Variants in RAD51 observed in about 807,000 individuals in gnomAD.
The protein encoded by RAD51 is RAD51 recombinase.
A neutral mutation model predicts 41.5 loss-of-function variants in RAD51; 14 were observed. The observed-to-expected ratio is 0.34, with a 90% CI of 0.22 to 0.53. The LOEUF is 0.53. Ranked by LOEUF, RAD51 falls within the 20% of genes least tolerant of loss-of-function variation. The probability of loss-of-function intolerance (pLI) is 0.95; values close to 1 mark genes in which losing one functional copy is unlikely to be tolerated. For synonymous variants in RAD51, 136 were observed against 148.6 expected (o/e 0.92, Z 0.62); for missense variants, 234 against 422.0 (o/e 0.55, Z 3.90).
Position 40,710,269 on chromosome 15 carries a change from A to AAAAAGAG in RAD51, c.435+1154_435+1155insAAAGAGA, listed in dbSNP as rs1555427504. ...AAAAAAAAAAAAAAAAAAAAAAAAA[A>AAAAAGAG]AGAAGAAGAAAAAAAAAAGATCAGG... On this transcript the variant is annotated intron_variant, in intron 5 of 9. Coordinates refer to ENST00000267868, the MANE Select transcript of RAD51 (RefSeq NM_002875.5). Among the ~76,000 whole-genome samples the AAAAAGAG allele has an allele frequency of 1.3e-4, 14 of 104,358 alleles. 1 individual carries two copies. The highest frequency in any genetic ancestry group is 5.6e-4 in the African/African-American group (13 of 23,206). 68.5% of individuals were successfully genotyped at this position (104,358 alleles called of 152,430 possible). A position where few individuals can be genotyped will look rare whatever the true frequency, so the allele number is the denominator to read the frequency against.
At chr15:40,727,080 T>A (rs753293396) in intron 6 of RAD51, among the ~76,000 whole-genome samples, 2 of 152,076 alleles carry the variant, frequency 1.3e-5, no homozygotes, top group African/African-American at 2.4e-5. Context: ...CCTTCTCTGT[T>A]TTTATAGCAA....
In RAD51 at chr15:40,731,579, C is replaced by A. The variant is rs1246757821; in HGVS notation, c.*401C>A. The stretch of plus-strand genomic sequence containing the variant: ...TTAATGGTAAAATAAAATGCCTCAG[C>A]TATGTAGCAAAGGGAATGGGTCTGC... On this transcript the variant is annotated 3_prime_UTR_variant, in exon 10 of 10. Coordinates refer to ENST00000267868, the MANE Select transcript of RAD51 (RefSeq NM_002875.5). 6.1e-6 allele frequency: 2 copies of A among 325,972 alleles called. No individual in the cohort carries two copies. Among genetic ancestry groups the A allele is most frequent in the Non-Finnish European group, 1.1e-5 (2 of 174,416 alleles). The allele number at this position is 325,972 out of a possible 1,614,324, so 20.2% of individuals were successfully genotyped here. A position where few individuals can be genotyped will look rare whatever the true frequency, so the allele number is the denominator to read the frequency against.
chr15:40,705,576 A>G (rs1053456167), intron 3 of RAD51, among the ~76,000 whole-genome samples: 2 of 152,138 alleles, frequency 1.3e-5, no homozygotes, highest in Non-Finnish European at 2.9e-5. Context: ...CAAAACACAT[A>G]TGTACGGATC....
chr15:40,725,274 C>G (rs1436678640), intron 6 of RAD51, among the ~76,000 whole-genome samples: 1 of 152,104 alleles, frequency 6.6e-6, no homozygotes, highest in Non-Finnish European at 1.5e-5. Flanking sequence ...TAGAGTGATT[C>G]TCCCTCCTCG....
In RAD51 at chr15:40,726,455, T is replaced by C. The variant is rs45609736; in HGVS notation, c.531-2256T>C. Among the ~76,000 whole-genome samples, 583 of 151,932 alleles carry C rather than the reference T, an allele frequency of 3.8e-3. 11 individuals are homozygous for C. Among genetic ancestry groups the C allele is most frequent in the African/African-American group, 0.013 (551 of 41,428 alleles). On this transcript the variant is annotated intron_variant, in intron 6 of 9. Transcript: ENST00000267868. ...TTTAAGTAGAGATGGGTTTTCGCCT[T>C]GTTGGCAAGGCTAGTCTCGAACTCC...
chr15:40,730,050 C>G, intron 9 of RAD51, 76 bp downstream of exon 9: 1 of 1,564,886 alleles, frequency 6.4e-7, no homozygotes, highest in Non-Finnish European at 8.8e-7. Context: ...ATAACATTTT[C>G]ATTTAAGCCC....
chr15:40,700,923 C>T (rs191131393), intron 2 of RAD51, 141 bp from the exon 3 acceptor site: 53 of 599,498 alleles, frequency 8.8e-5, no homozygotes, highest in African/African-American at 1.2e-4. Context: ...CTTCCCATCT[C>T]CCCCCGCCCC....
At chr15:40,700,292 G>A (rs970387488) in intron 2 of RAD51, among the ~76,000 whole-genome samples, 1 of 152,290 alleles carries the variant, frequency 6.6e-6, no homozygotes, top group Middle Eastern at 3.4e-3. Context: ...TTGAGAAGAG[G>A]TATAAAAGTC....
intron 5 of RAD51, among the ~76,000 whole-genome samples, chr15:40,712,911 C>A (rs1332340488): frequency 9.2e-6 from 1 of 109,188 alleles, no homozygotes; most frequent in African/African-American, 3.6e-5. Context: ...AAGAGTCTTG[C>A]TCTGTTGCCC....
rs1390466565 is a variant in RAD51, at chr15:40,730,941, A to G, written c.897-114A>G. On this transcript the variant is annotated intron_variant, in intron 9 of 9. Coordinates refer to ENST00000267868, the MANE Select transcript of RAD51 (RefSeq NM_002875.5). Reference sequence around the variant, plus strand: ...AGGAAAACAGTACAGAAACATTCCCAGGGTCCTTCTAGGAAGAATATATGT... The same window carrying G: ...AGGAAAACAGTACAGAAACATTCCCGGGGTCCTTCTAGGAAGAATATATGT... 5.1e-6 allele frequency: 7 copies of G among 1,364,694 alleles called. No individual in the cohort carries two copies. The African/African-American group carries it at 1.0e-4, about 20-fold the overall frequency. 84.5% of individuals were successfully genotyped at this position (1,364,694 alleles called of 1,614,324 possible). A position where few individuals can be genotyped will look rare whatever the true frequency, so the allele number is the denominator to read the frequency against.
intron 2 of RAD51, among the ~76,000 whole-genome samples, chr15:40,700,439 C>G (rs1217481617): frequency 6.6e-6 from 1 of 152,130 alleles, no homozygotes; most frequent in Non-Finnish European, 1.5e-5. Flanking sequence ...TTTACCCTAC[C>G]ATAGTGTAAA....
chr15:40,704,319 C>T (rs2141826485), intron 3 of RAD51, among the ~76,000 whole-genome samples: 1 of 150,928 alleles, frequency 6.6e-6, no homozygotes, highest in African/African-American at 2.4e-5. Flanking sequence ...CTGCCTCAGC[C>T]TCCCAAAGTG....
intron 5 of RAD51, among the ~76,000 whole-genome samples, chr15:40,714,324 C>T (rs1007472747): frequency 5.3e-5 from 8 of 152,170 alleles, no homozygotes; most frequent in African/African-American, 1.2e-4. Flanking sequence ...CTCTTACATC[C>T]GTCATTTGAC....
chr15:40,694,773 T>C (rs1225560172), upstream of RAD51: 2 of 152,024 alleles, frequency 1.3e-5, no homozygotes, highest in East Asian at 1.9e-4. Context: ...ACGCATTACC[T>C]CTTGGGAGTC....
chr15:40,710,729 T>A (rs1895665525), intron 5 of RAD51, among the ~76,000 whole-genome samples: 1 of 152,138 alleles, frequency 6.6e-6, no homozygotes, highest in African/African-American at 2.4e-5. Flanking sequence ...GCTCTTTGCA[T>A]CAAATCTACA....
chr15:40,699,541 G>A (rs1301524386), intron 2 of RAD51, among the ~76,000 whole-genome samples: 2 of 152,072 alleles, frequency 1.3e-5, no homozygotes, highest in African/African-American at 2.4e-5. Context: ...CTGCCTTGGC[G>A]TCCCAAACTG....
intron 3 of RAD51, among the ~76,000 whole-genome samples, chr15:40,703,159 T>C (rs1171838253): frequency 6.6e-6 from 1 of 152,204 alleles, no homozygotes; most frequent in East Asian, 1.9e-4. Flanking sequence ...ATAAGCTCTG[T>C]GGAGGCAGGA....
intron 6 of RAD51, among the ~76,000 whole-genome samples, chr15:40,720,272 C>T (rs879509581): frequency 6.6e-6 from 1 of 151,894 alleles, no homozygotes; most frequent in Admixed American, 6.6e-5. Flanking sequence ...TTAGAAGAGA[C>T]AGGGTTTCTC....
chr15:40,724,828 G>A (rs1240987771), intron 6 of RAD51, among the ~76,000 whole-genome samples: 6 of 145,416 alleles, frequency 4.1e-5, no homozygotes, highest in South Asian at 2.2e-4. Flanking sequence ...ACAGGCTTCC[G>A]CCACCACACC....
Sources: gnomAD v4.1 joint callset for allele counts (sites outside exome capture counted in the v4.1 genomes callset) on GRCh38, gnomAD v4.1.1 for gene constraint, MANE v1.5 for transcripts, NCBI Gene and HGNC (gene_info 2026-07-23, HGNC 2026-07-21) for gene names.